MAP3K20: variants seen among roughly 807,000 people sequenced by gnomAD.
The protein encoded by MAP3K20 is mitogen-activated protein kinase kinase kinase 20.
Under a neutral mutation model 85.7 loss-of-function variants are expected in MAP3K20, and 40 were observed. The ratio of observed to expected loss-of-function variants is 0.47; its 90% CI spans 0.36 to 0.61. The LOEUF is 0.61. Among genes scored for constraint, MAP3K20 ranks in the 20% least tolerant of loss-of-function variants. The pLI is 0.00. For missense variants in MAP3K20, 817 were observed against 961.7 expected (o/e 0.85, Z 1.99); for synonymous variants, 325 against 327.7 (o/e 0.99, Z 0.09).
Position 173,134,389 on chromosome 2 carries a change from T to TATAC in MAP3K20, c.160-35412_160-35409dup, listed in dbSNP as rs1375404970. Among the ~76,000 whole-genome samples the TATAC allele has an allele frequency of 2.1e-3, 90 of 43,640 alleles. 2 individuals carry two copies. Among genetic ancestry groups the TATAC allele is most frequent in the Middle Eastern group, 7.0e-3 (1 of 142 alleles). 28.6% of individuals were successfully genotyped at this position (43,640 alleles called of 152,430 possible). Reference sequence around the variant, plus strand: ...AATTGTGTGTGTGTGTGTGTGTCTCTATACATATATATATATATATATATA... The same window carrying TATAC: ...AATTGTGTGTGTGTGTGTGTGTCTCTATACATACATATATATATATATATATATA... On this transcript the variant is annotated intron_variant, in intron 2 of 19. Transcript: ENST00000375213.
rs551037513 is a variant in MAP3K20 at position 173,201,178 on chromosome 2, TAATAA to T, written c.670-2612_670-2608del. On this transcript the variant is annotated intron_variant, in intron 8 of 19. Coordinates refer to ENST00000375213, the MANE Select transcript of MAP3K20 (RefSeq NM_016653.3). ...AAGATCTTTGCTTCTAATCCCTTAA[TAATAA>T]AATAAGATGTTTAAACAGTCATATT... Among the ~76,000 whole-genome samples, 115 of 152,304 alleles carry T rather than the reference TAATAA, an allele frequency of 7.6e-4. 2 individuals are homozygous for T. Among genetic ancestry groups the T allele is most frequent in the African/African-American group, 2.0e-3 (84 of 41,562 alleles).
chr2:173,081,134 A>G (rs1687001938), intron 1 of MAP3K20, among the ~76,000 whole-genome samples: 1 of 151,966 alleles, frequency 6.6e-6, no homozygotes, highest in Admixed American at 6.6e-5. Context: ...TCTGTCCTAC[A>G]CTGTTTTACT....
At chr2:173,119,724 C>T (rs981548584) in intron 2 of MAP3K20, among the ~76,000 whole-genome samples, 3 of 152,168 alleles carry the variant, frequency 2.0e-5, no homozygotes, top group Admixed American at 6.5e-5. Context: ...AATAATGAAA[C>T]AGTTCTATTT....
chr2:173,189,032 T>TA (rs2106272558), intron 5 of MAP3K20, among the ~76,000 whole-genome samples: 1 of 152,310 alleles, frequency 6.6e-6, no homozygotes, highest in South Asian at 2.1e-4. Flanking sequence ...TTTAAAAAGT[T>TA]ACAGTTATAT....
chr2:173,262,471 A>AT (rs1685319950), intron 18 of MAP3K20, among the ~76,000 whole-genome samples: 1 of 152,072 alleles, frequency 6.6e-6, no homozygotes, highest in Non-Finnish European at 1.5e-5. Context: ...ATGGTGGTGC[A>AT]TGCCTGTAAT....
chr2:173,167,427 C>T (rs774480232), intron 2 of MAP3K20, among the ~76,000 whole-genome samples: 8 of 152,118 alleles, frequency 5.3e-5, no homozygotes, highest in Non-Finnish European at 5.9e-5. Flanking sequence ...CTTACTTATT[C>T]AGTCTGCCTC....
At chr2:173,183,429 C>T (rs1690390373) in intron 4 of MAP3K20, among the ~76,000 whole-genome samples, 1 of 152,098 alleles carries the variant, frequency 6.6e-6, no homozygotes, top group Non-Finnish European at 1.5e-5. Context: ...CATGTAAAAG[C>T]AATTCAGATT....
intron 2 of MAP3K20, among the ~76,000 whole-genome samples, chr2:173,114,470 TTTTAA>T (rs1011540175): frequency 6.6e-6 from 1 of 152,162 alleles, no homozygotes; most frequent in African/African-American, 2.4e-5. Flanking sequence ...TGTTTTTGCT[TTTTAA>T]TTTGTATTTT....
chr2:173,216,248 A>T (rs1462322511), intron 10 of MAP3K20, among the ~76,000 whole-genome samples: 4 of 152,188 alleles, frequency 2.6e-5, no homozygotes, highest in African/African-American at 9.7e-5. Context: ...TGAAGAACAG[A>T]TTTCTGTAAC....
intron 8 of MAP3K20, among the ~76,000 whole-genome samples, chr2:173,203,117 C>T (rs991362143): frequency 1.3e-5 from 2 of 152,084 alleles, no homozygotes; most frequent in South Asian, 2.1e-4. Flanking sequence ...ACTTAAAAGT[C>T]GGTTGCAACC....
intron 2 of MAP3K20, among the ~76,000 whole-genome samples, chr2:173,168,450 C>G (rs189437703): frequency 8.5e-5 from 13 of 152,262 alleles, no homozygotes; most frequent in Admixed American, 7.8e-4. Flanking sequence ...TGTTTTCCAC[C>G]TAGTTACACC....
At chr2:173,258,574 A>G in intron 16 of MAP3K20, 125 bp from the exon 17 acceptor site, 1 of 578,152 alleles carries the variant, frequency 1.7e-6, no homozygotes, top group South Asian at 2.2e-5. Flanking sequence ...TTATTGAAAA[A>G]GGAAAAAAAA....
At chr2:173,159,348 T>TCTTTCTTTC (rs1553572458) in intron 2 of MAP3K20, among the ~76,000 whole-genome samples, 1 of 147,736 alleles carries the variant, frequency 6.8e-6, no homozygotes, top group Non-Finnish European at 1.5e-5. Flanking sequence ...TGTATTTTAC[T>TCTTTCTTTC]CTTTCTTTCT....
At chr2:173,258,669 C>T in intron 16 of MAP3K20, 30 bp from the exon 17 acceptor site, 1 of 1,388,696 alleles carries the variant, frequency 7.2e-7, no homozygotes, top group Non-Finnish European at 1.0e-6. Flanking sequence ...TTCACTTTCT[C>T]AAATTCTGTA....
intron 10 of MAP3K20, 191 bp downstream of exon 10, chr2:173,210,026 C>CT (rs1683831558): frequency 3.4e-6 from 2 of 586,094 alleles, no homozygotes; most frequent in Non-Finnish European, 6.0e-6. Context: ...AATAGTGTTT[C>CT]TCCAAGCTTG....
Position 173,259,175 on chromosome 2 carries a change from C to T in MAP3K20, c.1476+360C>T, listed in dbSNP as rs183464412. Among the ~76,000 whole-genome samples the T allele has an allele frequency of 6.6e-5, 10 of 152,086 alleles. No individual in the cohort carries two copies. The East Asian group carries it at 1.2e-3, about 18-fold the overall frequency. ...TATTTAAACTTTGGAAAACTTTTCC[C>T]GGAGAATGACTTTCTTGGTTGAGGT... On this transcript the variant is annotated intron_variant, in intron 17 of 19. Transcript: ENST00000375213.
chr2:173,253,943 C>T (rs1165276801), intron 16 of MAP3K20, among the ~76,000 whole-genome samples: 2 of 152,054 alleles, frequency 1.3e-5, no homozygotes, highest in East Asian at 1.9e-4. Flanking sequence ...TGGTGACACA[C>T]GCCTGTGGTC....
intron 2 of MAP3K20, among the ~76,000 whole-genome samples, chr2:173,126,545 A>G (rs1284716471): frequency 6.6e-6 from 1 of 152,018 alleles, no homozygotes; most frequent in Non-Finnish European, 1.5e-5. Context: ...ACACCTAGCT[A>G]ATTTTCATAT....
intron 11 of MAP3K20, among the ~76,000 whole-genome samples, chr2:173,219,943 C>G (rs184862555): frequency 6.4e-4 from 98 of 151,976 alleles, no homozygotes; most frequent in African/African-American, 2.0e-3. Flanking sequence ...TGGCGGGCGC[C>G]TGTAATCCCA....
Sources: allele counts gnomAD v4.1 joint callset (sites outside exome capture counted in the v4.1 genomes callset), GRCh38; gene constraint gnomAD v4.1.1; transcripts MANE v1.5; gene names NCBI Gene and HGNC (gene_info 2026-07-23, HGNC 2026-07-21).